Variants in RALYL observed in about 807,000 individuals in gnomAD.
RALYL encodes RALY RNA binding protein like.
RALYL carries 29 observed loss-of-function variants against 35.1 expected under a neutral mutation model. That is an observed-to-expected ratio of 0.83 (90% CI 0.61 to 1.13). RALYL has a LOEUF of 1.13. Among genes scored for constraint, RALYL ranks in the 50% most tolerant of loss-of-function variants. RALYL has a pLI of 0.00. For synonymous variants in RALYL, 120 were observed against 127.6 expected (o/e 0.94, Z 0.40); for missense variants, 359 against 360.4 (o/e 1.00, Z 0.03).
At chr8:84,776,350 A>G (rs1411874205) in intron 3 of RALYL, among the ~76,000 whole-genome samples, 1 of 152,210 alleles carries the variant, frequency 6.6e-6, no homozygotes, top group Admixed American at 6.5e-5. Flanking sequence ...ACTGAAAAAT[A>G]CATCATAATT....
chr8:84,273,353 C>G (rs1834711245), intron 1 of RALYL, among the ~76,000 whole-genome samples: 1 of 152,228 alleles, frequency 6.6e-6, no homozygotes, highest in African/African-American at 2.4e-5. Flanking sequence ...CCACATGGGC[C>G]TCTCCGTAGG....
chr8:84,648,445 G>A (rs1418866195), intron 2 of RALYL, among the ~76,000 whole-genome samples: 1 of 152,036 alleles, frequency 6.6e-6, no homozygotes, highest in East Asian at 1.9e-4. Context: ...AGTAGATGGT[G>A]CCAGAGGGTT....
At chr8:84,362,614 A>T (rs868446815) in intron 1 of RALYL, among the ~76,000 whole-genome samples, 1 of 152,148 alleles carries the variant, frequency 6.6e-6, no homozygotes, top group Non-Finnish European at 1.5e-5. Flanking sequence ...ACTCCTTATG[A>T]GAATCTAACT....
intron 1 of RALYL, among the ~76,000 whole-genome samples, chr8:84,303,538 GT>G (rs1419780128): frequency 6.6e-6 from 1 of 152,162 alleles, no homozygotes; most frequent in Non-Finnish European, 1.5e-5. Context: ...TACTTAATTA[GT>G]TTTCTAAGAT....
intron 1 of RALYL, among the ~76,000 whole-genome samples, chr8:84,368,159 T>A (rs1854895386): frequency 6.6e-6 from 1 of 152,146 alleles, no homozygotes. Flanking sequence ...AAAAACGAAA[T>A]AAGTCAAATA....
At chr8:84,797,855 A>G (rs1320351398) in intron 3 of RALYL, among the ~76,000 whole-genome samples, 1 of 152,148 alleles carries the variant, frequency 6.6e-6, no homozygotes, top group Non-Finnish European at 1.5e-5. Flanking sequence ...TTCTTTATTT[A>G]CTTTTATCCT....
chr8:84,416,884 A>G (rs775817445), intron 1 of RALYL, among the ~76,000 whole-genome samples: 3 of 152,218 alleles, frequency 2.0e-5, no homozygotes, highest in Non-Finnish European at 4.4e-5. Context: ...ATGCATACAT[A>G]GGAAAGTGTA....
At chr8:84,581,519 T>C (rs1013955148) in intron 2 of RALYL, among the ~76,000 whole-genome samples, 2 of 152,170 alleles carry the variant, frequency 1.3e-5, no homozygotes, top group Admixed American at 6.5e-5. Flanking sequence ...ATGTTAAGTA[T>C]CCTGCAGAGA....
intron 2 of RALYL, among the ~76,000 whole-genome samples, chr8:84,711,114 T>C (rs940742017): frequency 1.3e-5 from 2 of 152,038 alleles, no homozygotes; most frequent in African/African-American, 4.8e-5. Flanking sequence ...AGAAATAGCA[T>C]ATGCAAAGTC....
chr8:84,661,977 A>G (rs376673534), intron 2 of RALYL, among the ~76,000 whole-genome samples: 147 of 148,712 alleles, frequency 9.9e-4, no homozygotes, highest in Middle Eastern at 3.5e-3. Flanking sequence ...CATACTTCTT[A>G]TAGTTGTCCA....
intron 2 of RALYL, among the ~76,000 whole-genome samples, chr8:84,584,114 C>T (rs559654774): frequency 1.3e-5 from 2 of 152,114 alleles, no homozygotes; most frequent in South Asian, 2.1e-4. Context: ...TCCAATTATA[C>T]CCTTTTAGTT....
intron 3 of RALYL, among the ~76,000 whole-genome samples, chr8:84,781,308 T>G (rs1488647774): frequency 6.6e-6 from 1 of 152,264 alleles, no homozygotes; most frequent in Non-Finnish European, 1.5e-5. Flanking sequence ...CCTCACATTT[T>G]AACACTAAGC....
intron 2 of RALYL, among the ~76,000 whole-genome samples, chr8:84,632,896 A>T (rs1172226975): frequency 1.3e-5 from 2 of 151,898 alleles, no homozygotes; most frequent in Non-Finnish European, 2.9e-5. Flanking sequence ...ACTCAATATG[A>T]TGCTATTTTG....
intron 1 of RALYL, among the ~76,000 whole-genome samples, chr8:84,279,927 G>C (rs1002960944): frequency 1.5e-4 from 23 of 152,220 alleles, no homozygotes; most frequent in Non-Finnish European, 2.5e-4. Flanking sequence ...ATATTTACAG[G>C]TTCTTGGGGT....
rs397891420 is a variant in RALYL at position 84,296,623 on chromosome 8, ATTTTTTTTTTT to A, written c.-24+112216_-24+112226del. Among the ~76,000 whole-genome samples the A allele has an allele frequency of 3.1e-4, 24 of 76,668 alleles. No homozygotes were observed. In the East Asian group the frequency reaches 3.4e-3, roughly 11 times the overall value. The allele number at this position is 76,668 out of a possible 152,430, so 50.3% of individuals were successfully genotyped here. On this transcript the variant is annotated intron_variant, in intron 1 of 8. Coordinates refer to ENST00000521268, the MANE Select transcript of RALYL (RefSeq NM_173848.7). ...CAGGAGACATCTTTCTCTCTCTTGCATTTTTTTTTTTTTTTTTTTTTTTTTTTGACTGAGAG... is the reference window on the plus strand; with the variant it reads ...CAGGAGACATCTTTCTCTCTCTTGCATTTTTTTTTTTTTTTTGACTGAGAG...
At chr8:84,453,830 T>C (rs1309745674) in intron 1 of RALYL, among the ~76,000 whole-genome samples, 1 of 151,996 alleles carries the variant, frequency 6.6e-6, no homozygotes, top group Non-Finnish European at 1.5e-5. Flanking sequence ...AGCATGTAGG[T>C]AGAAGCAGAG....
chr8:84,560,132 A>G (rs891182322), intron 2 of RALYL, among the ~76,000 whole-genome samples: 1 of 151,996 alleles, frequency 6.6e-6, no homozygotes, highest in African/African-American at 2.4e-5. Context: ...ACAAGGTCTG[A>G]AAAGTCTAAC....
chr8:84,253,178 T>TG (rs1459644911), intron 1 of RALYL, among the ~76,000 whole-genome samples: 3 of 43,508 alleles, frequency 6.9e-5, no homozygotes, highest in African/African-American at 2.7e-4. Context: ...GTTCTGCAGT[T>TG]TTTTTTTTTT....
intron 1 of RALYL, among the ~76,000 whole-genome samples, chr8:84,459,961 G>A (rs538100190): frequency 1.5e-3 from 228 of 151,842 alleles, no homozygotes; most frequent in Non-Finnish European, 2.5e-3. Flanking sequence ...ATCTAGATAG[G>A]TTGATACGAA....
Sources: allele counts gnomAD v4.1 joint callset (sites outside exome capture counted in the v4.1 genomes callset), GRCh38; gene constraint gnomAD v4.1.1; transcripts MANE v1.5; gene names NCBI Gene and HGNC (gene_info 2026-07-23, HGNC 2026-07-21).